Variants in CHSY3 observed in about 807,000 individuals in gnomAD.
CHSY3 encodes N-acetylgalactosaminyl-proteoglycan 3-beta-glucuronosyltransferase 3.
In CHSY3, 35 loss-of-function variants were observed where a neutral mutation model predicts 67.2. The ratio of observed to expected loss-of-function variants is 0.52; its 90% confidence interval spans 0.40 to 0.69. The LOEUF is 0.69. Ranked by LOEUF, CHSY3 falls within the 30% of genes least tolerant of loss-of-function variation. The pLI is 0.00. For synonymous variants in CHSY3, 474 were observed against 434.7 expected (o/e 1.09, Z -1.12); for missense variants, 1,069 against 1,138.5 (o/e 0.94, Z 0.88).
intron 2 of CHSY3, among the ~76,000 whole-genome samples, chr5:129,944,310 A>G (rs1298598747): frequency 6.6e-6 from 1 of 152,160 alleles, no homozygotes; most frequent in Non-Finnish European, 1.5e-5. Flanking sequence ...ATCAGTTTTC[A>G]TTTGCCTAAA....
In CHSY3 at chr5:130,016,003, A is replaced by G. The variant is rs1294784514; in HGVS notation, c.1086+107643A>G. Among the ~76,000 whole-genome samples, 9 of 152,222 alleles carry G rather than the reference A, an allele frequency of 5.9e-5. No homozygotes were observed. The East Asian group carries it at 1.7e-3, about 29-fold the overall frequency. On this transcript the variant is annotated intron_variant, in intron 2 of 2. Coordinates refer to ENST00000305031, the MANE Select transcript of CHSY3 (RefSeq NM_175856.5). Reference sequence around the variant, plus strand: ...AGGAACAGAAAATCAAATACCACATATTCTCACTTATAAATACAAGCTAAA... The same window carrying G: ...AGGAACAGAAAATCAAATACCACATGTTCTCACTTATAAATACAAGCTAAA...
At chr5:130,068,927 G>A (rs892460738) in intron 2 of CHSY3, among the ~76,000 whole-genome samples, 1 of 152,110 alleles carries the variant, frequency 6.6e-6, no homozygotes, top group African/African-American at 2.4e-5. Flanking sequence ...TCTATTGCCA[G>A]TCTAGAACTC....
At chr5:129,972,716 A>G (rs897572993) in intron 2 of CHSY3, among the ~76,000 whole-genome samples, 1 of 152,004 alleles carries the variant, frequency 6.6e-6, no homozygotes, top group East Asian at 1.9e-4. Context: ...TCCTACTCAC[A>G]AAGCTTTCAA....
At chr5:130,100,718 G>A (rs553486775) in intron 2 of CHSY3, among the ~76,000 whole-genome samples, 3 of 152,226 alleles carry the variant, frequency 2.0e-5, no homozygotes, top group Non-Finnish European at 4.4e-5. Context: ...ACTTTATGAA[G>A]TTCATTTATC....
chr5:129,955,367 T>G (rs919405925), intron 2 of CHSY3, among the ~76,000 whole-genome samples: 1 of 152,084 alleles, frequency 6.6e-6, no homozygotes, highest in African/African-American at 2.4e-5. Context: ...TGATCTGCAT[T>G]TATTCTTTCC....
chr5:129,911,960 G>A (rs1760570930), intron 2 of CHSY3, among the ~76,000 whole-genome samples: 1 of 152,250 alleles, frequency 6.6e-6, no homozygotes, highest in East Asian at 1.9e-4. Flanking sequence ...GGAGGCTGAG[G>A]CAGGAGAATG....
chr5:130,075,869 C>T, intron 2 of CHSY3, among the ~76,000 whole-genome samples: 1 of 152,096 alleles, frequency 6.6e-6, no homozygotes, highest in Non-Finnish European at 1.5e-5. Flanking sequence ...CAATGATGTA[C>T]CAGAATTTAT....
chr5:130,117,760 CTG>C (rs1462422606), intron 2 of CHSY3, among the ~76,000 whole-genome samples: 1 of 152,168 alleles, frequency 6.6e-6, no homozygotes, highest in Non-Finnish European at 1.5e-5. Context: ...CATCATAAAT[CTG>C]TTAAATATTG....
At chr5:129,931,662 C>A (rs1411825418) in intron 2 of CHSY3, among the ~76,000 whole-genome samples, 1 of 152,110 alleles carries the variant, frequency 6.6e-6, no homozygotes, top group Non-Finnish European at 1.5e-5. Context: ...GTTAGGGTCT[C>A]ATACTTTTTT....
chr5:130,073,019 T>C (rs925892434), intron 2 of CHSY3, among the ~76,000 whole-genome samples: 6 of 152,120 alleles, frequency 3.9e-5, no homozygotes, highest in Non-Finnish European at 8.8e-5. Flanking sequence ...AAAGGGAAGA[T>C]GTTGATCAAA....
chr5:130,083,916 C>A (rs1766521971), intron 2 of CHSY3, among the ~76,000 whole-genome samples: 4 of 151,120 alleles, frequency 2.6e-5, no homozygotes, highest in Admixed American at 1.3e-4. Flanking sequence ...TCCTCTTCTT[C>A]TTTAAATGGG....
intron 2 of CHSY3, among the ~76,000 whole-genome samples, chr5:130,031,197 G>A (rs756988622): frequency 6.6e-6 from 1 of 151,940 alleles, no homozygotes; most frequent in Non-Finnish European, 1.5e-5. Flanking sequence ...CTCTGGATGT[G>A]TATCCTGATG....
intron 2 of CHSY3, among the ~76,000 whole-genome samples, chr5:129,974,536 G>GA (rs1039056831): frequency 6.6e-6 from 1 of 151,766 alleles, no homozygotes; most frequent in Non-Finnish European, 1.5e-5. Flanking sequence ...CCATGGTCGA[G>GA]AAAAAAAAGA....
chr5:129,944,735 T>C (rs1465345801), intron 2 of CHSY3, among the ~76,000 whole-genome samples: 1 of 152,212 alleles, frequency 6.6e-6, no homozygotes, highest in South Asian at 2.1e-4. Context: ...AACAAATTTA[T>C]AGTGAGTATA....
At chr5:130,117,708 T>C (rs563774019) in intron 2 of CHSY3, among the ~76,000 whole-genome samples, 23 of 152,246 alleles carry the variant, frequency 1.5e-4, no homozygotes, top group Non-Finnish European at 2.9e-4. Context: ...CAAAAGTTTC[T>C]TCAAAACTAC....
chr5:130,156,257 A>T (rs1267739918), intron 2 of CHSY3, among the ~76,000 whole-genome samples: 1 of 152,234 alleles, frequency 6.6e-6, no homozygotes. Flanking sequence ...GCTTCAAAAT[A>T]GAATGAGAGA....
At chr5:130,024,739 G>T (rs11960528) in intron 2 of CHSY3, among the ~76,000 whole-genome samples, 1 of 151,948 alleles carries the variant, frequency 6.6e-6, no homozygotes, top group African/African-American at 2.4e-5. Context: ...TTGAAGCAGC[G>T]TTCATAAATG....
At chr5:130,006,338 G>A (rs1763873460) in intron 2 of CHSY3, among the ~76,000 whole-genome samples, 1 of 152,156 alleles carries the variant, frequency 6.6e-6, no homozygotes, top group Non-Finnish European at 1.5e-5. Flanking sequence ...GTGGCACTAG[G>A]AGATGAGGAT....
intron 2 of CHSY3, among the ~76,000 whole-genome samples, chr5:129,959,052 C>A (rs1314877171): frequency 1.3e-5 from 2 of 152,082 alleles, no homozygotes; most frequent in Non-Finnish European, 2.9e-5. Context: ...TCTTGCCCTT[C>A]TGAATCCCAA....
Sources: gnomAD v4.1 joint callset for allele counts (sites outside exome capture counted in the v4.1 genomes callset) on GRCh38, gnomAD v4.1.1 for gene constraint, MANE v1.5 for transcripts, NCBI Gene and HGNC (gene_info 2026-07-23, HGNC 2026-07-21) for gene names.